The following CACNA2D2 variants were observed in gnomAD, a reference collection of about 807,000 sequenced individuals.
The protein encoded by CACNA2D2 is calcium voltage-gated channel auxiliary subunit alpha2delta 2.
In CACNA2D2, 48 loss-of-function variants were observed where a neutral mutation model predicts 166.4. The observed-to-expected ratio is 0.29, with a 90% CI of 0.23 to 0.37. CACNA2D2 has a LOEUF of 0.37. CACNA2D2 is among the 10% of genes least tolerant of loss of function. The probability of loss-of-function intolerance (pLI) is 1.00; values close to 1 mark genes in which losing one functional copy is unlikely to be tolerated. For missense variants in CACNA2D2, 1,122 were observed against 1,433.0 expected, an observed-to-expected ratio of 0.78 and a Z score of 3.50; for synonymous variants, 561 against 573.7, an observed-to-expected ratio of 0.98 and a Z score of 0.32.
At chr3:50,464,745 C>T (rs557982162) in intron 2 of CACNA2D2, among the ~76,000 whole-genome samples, 32 of 152,320 alleles carry the variant, frequency 2.1e-4, no homozygotes, top group South Asian at 1.0e-3. Flanking sequence ...CACTTAGCAA[C>T]GGAGACAATT....
At chr3:50,492,700 G>T (rs1575779031) in intron 1 of CACNA2D2, among the ~76,000 whole-genome samples, 1 of 152,310 alleles carries the variant, frequency 6.6e-6, no homozygotes, top group East Asian at 1.9e-4. Context: ...AGGCGCCACA[G>T]GCCGAGTGAG....
In CACNA2D2 at chr3:50,476,191, T is replaced by C. The variant is rs754908844; in HGVS notation, c.215A>G (p.His72Arg). Reference sequence around the variant, plus strand: ...CTCCTGCTCCAGACGCCGGGCCCAGTGCTGCATCCTGTATGCAGAGAGAGG... The same window carrying C: ...CTCCTGCTCCAGACGCCGGGCCCAGCGCTGCATCCTGTATGCAGAGAGAGG... Reference protein sequence around the residue: ...YSFPQQHTMQHWARRLEQEVD... With the variant: ...YSFPQQHTMQRWARRLEQEVD... Residue 72 changes from histidine to arginine, a missense_variant, in exon 2 of 38, where the codon CAC (histidine) becomes CGC (arginine). By Grantham distance (29) the His-to-Arg change is conservative (BLOSUM62 0). Transcript: ENST00000424201. 12 of 1,589,232 alleles carry C rather than the reference T, an allele frequency of 7.6e-6. No homozygotes were observed. The highest frequency in any genetic ancestry group is 3.4e-5 in the South Asian group (3 of 87,682).
chr3:50,380,086 T>A lies in CACNA2D2; in HGVS notation c.843-68A>T. ...CTTGTGGGTCCTTCCTTCCTTCACA[T>A]ACATATTGATTCAATACATTTCTCT... On this transcript the variant is annotated intron_variant, in intron 8 of 37. Coordinates refer to ENST00000424201, the MANE Select transcript of CACNA2D2 (RefSeq NM_006030.4). This position sits in a 1 kb window ranked among gnomAD's most constrained non-coding sequence, Gnocchi z 4.9. 6.7e-7 allele frequency: 1 copy of A among 1,485,578 alleles called. No homozygotes were observed. Among genetic ancestry groups the A allele is most frequent in the Admixed American group, 1.7e-5 (1 of 59,408 alleles). 92.0% of individuals were successfully genotyped at this position (1,485,578 alleles called of 1,614,324 possible). A position where few individuals can be genotyped will look rare whatever the true frequency, so the allele number is the denominator to read the frequency against.
intron 2 of CACNA2D2, among the ~76,000 whole-genome samples, chr3:50,468,444 T>C (rs1208004205): frequency 6.9e-6 from 1 of 145,096 alleles, no homozygotes; most frequent in Admixed American, 7.0e-5. Context: ...TGTGTGTGGC[T>C]TTAGGAAACT....
intron 3 of CACNA2D2, among the ~76,000 whole-genome samples, chr3:50,396,014 T>C (rs1706130444): frequency 6.6e-6 from 1 of 152,118 alleles, no homozygotes; most frequent in Non-Finnish European, 1.5e-5. Flanking sequence ...CTGCAAGGCC[T>C]GCTTGGCTGG....
chr3:50,464,265 G>A (rs1388090791), intron 2 of CACNA2D2, among the ~76,000 whole-genome samples: 2 of 152,224 alleles, frequency 1.3e-5, no homozygotes, highest in East Asian at 3.8e-4. Context: ...AGGATCTGTG[G>A]AGGAGGCAGG....
chr3:50,452,681 G>A (rs1041140772), intron 2 of CACNA2D2, among the ~76,000 whole-genome samples: 1 of 152,228 alleles, frequency 6.6e-6, no homozygotes, highest in Non-Finnish European at 1.5e-5. Context: ...ACGGTGAAAT[G>A]TGAACATGAG....
At position 50,363,621 on chromosome 3, in the gene CACNA2D2, A is replaced by G. The variant is rs1399615432; in HGVS notation, c.*1045T>C. 5 of 225,444 alleles carry G rather than the reference A, an allele frequency of 2.2e-5. No homozygotes were observed. The highest frequency in any genetic ancestry group is 1.1e-4 in the African/African-American group (5 of 44,198). 14.0% of individuals were successfully genotyped at this position (225,444 alleles called of 1,614,324 possible). On this transcript the variant is annotated 3_prime_UTR_variant, in exon 38 of 38. Transcript: ENST00000424201. ...TTGGCGGAAGGATGGCCCAGCCAGG[A>G]GAGACAAAGTCACCCCTGCTAAGGC... is the stretch of plus-strand genomic sequence containing the variant.
chr3:50,433,363 G>GT (rs371804166), intron 3 of CACNA2D2, among the ~76,000 whole-genome samples: 185 of 148,148 alleles, frequency 1.2e-3, no homozygotes, highest in African/African-American at 2.4e-3. Flanking sequence ...TTTGTTGTTT[G>GT]TTTTTTTTTT....
intron 1 of CACNA2D2, among the ~76,000 whole-genome samples, chr3:50,495,249 T>C (rs563263814): frequency 6.6e-6 from 1 of 152,310 alleles, no homozygotes; most frequent in South Asian, 2.1e-4. Context: ...AAGCCCATAA[T>C]GCCCAAGGAG....
intron 2 of CACNA2D2, among the ~76,000 whole-genome samples, chr3:50,447,780 C>T (rs1052738134): frequency 3.9e-5 from 6 of 152,138 alleles, no homozygotes; most frequent in African/African-American, 1.2e-4. Context: ...AACTCCACAC[C>T]CCAGGCCTCT....
chr3:50,368,268 TG>T, intron 23 of CACNA2D2, 33 bp from the exon 24 acceptor site: 2 of 1,373,098 alleles, frequency 1.5e-6, no homozygotes, highest in Non-Finnish European at 2.1e-6. Context: ...AGAGTGGGCT[TG>T]GGGGGCTGGA....
chr3:50,378,182 C>G lies in CACNA2D2; in HGVS notation c.1390-85G>C, dbSNP rs1163932396. 5.1e-6 allele frequency: 8 copies of G among 1,579,046 alleles called. No individual in the cohort carries two copies. The African/African-American group carries it at 9.4e-5, about 19-fold the overall frequency. On this transcript the variant is annotated intron_variant, in intron 14 of 37. Coordinates refer to ENST00000424201, the MANE Select transcript of CACNA2D2 (RefSeq NM_006030.4). The stretch of plus-strand genomic sequence containing the variant: ...CTCGCCAGGCATTGGGATTGTGCCC[C>G]AGCCACTGTGAGGGGGCGCCCTTGG...
intron 2 of CACNA2D2, among the ~76,000 whole-genome samples, chr3:50,466,254 G>T (rs1709822135): frequency 6.6e-6 from 1 of 150,690 alleles, no homozygotes; most frequent in Non-Finnish European, 1.5e-5. Flanking sequence ...CATGCATGGG[G>T]GAAGTGTGTG....
intron 2 of CACNA2D2, among the ~76,000 whole-genome samples, chr3:50,460,823 C>T (rs1218114411): frequency 1.3e-5 from 2 of 150,998 alleles, no homozygotes; most frequent in Admixed American, 1.3e-4. Context: ...CACTGCACTC[C>T]AGCCTGGGTG....
intron 2 of CACNA2D2, among the ~76,000 whole-genome samples, chr3:50,470,363 C>T (rs1427593658): frequency 6.6e-6 from 1 of 152,154 alleles, no homozygotes; most frequent in Non-Finnish European, 1.5e-5. Context: ...GTGGCTGGTG[C>T]CACAGAAGGG....
intron 2 of CACNA2D2, among the ~76,000 whole-genome samples, chr3:50,470,496 A>T: frequency 6.6e-6 from 1 of 150,922 alleles, no homozygotes; most frequent in Non-Finnish European, 1.5e-5. Flanking sequence ...CAGCTGGCCC[A>T]GGCCAGATGC....
chr3:50,499,019 G>A (rs1448580102), intron 1 of CACNA2D2, among the ~76,000 whole-genome samples: 1 of 152,244 alleles, frequency 6.6e-6, no homozygotes, highest in Non-Finnish European at 1.5e-5. Context: ...GAGGGGTCTG[G>A]CCTGGGCTCA....
chr3:50,447,063 G>A (rs1475048093), intron 2 of CACNA2D2, among the ~76,000 whole-genome samples: 2 of 152,170 alleles, frequency 1.3e-5, no homozygotes, highest in Non-Finnish European at 2.9e-5. Flanking sequence ...AGCTGGATGG[G>A]CCAAAACAGA....
Sources: gnomAD v4.1 joint callset for allele counts (sites outside exome capture counted in the v4.1 genomes callset) on GRCh38, gnomAD v4.1.1 for gene constraint, Gnocchi (gnomAD v3.1) non-coding constraint, MANE v1.5 for transcripts, NCBI Gene and HGNC (gene_info 2026-07-23, HGNC 2026-07-21) for gene names.